The following TTLL5 variants were observed in gnomAD, a reference collection of about 807,000 sequenced individuals.
The protein encoded by TTLL5 is tubulin polyglutamylase TTLL5.
Under a neutral mutation model 168.4 loss-of-function variants are expected in TTLL5, and 132 were observed. That is an observed-to-expected ratio of 0.78 (90% CI 0.68 to 0.91). The LOEUF (loss-of-function observed/expected upper bound fraction) is 0.91, where lower values mean the gene tolerates loss of function less well. Ranked by LOEUF, TTLL5 falls within the 40% of genes least tolerant of loss-of-function variation. The pLI, the probability that TTLL5 is intolerant of heterozygous loss-of-function variation, is 0.00. For synonymous variants in TTLL5, 546 were observed against 558.6 expected (o/e 0.98, Z 0.32); for missense variants, 1,545 against 1,581.5 (o/e 0.98, Z 0.39).
chr14:75,918,338 T>C (rs952488032), intron 31 of TTLL5, among the ~76,000 whole-genome samples: 3 of 152,160 alleles, frequency 2.0e-5, no homozygotes, highest in African/African-American at 7.2e-5. Context: ...GCTAATGATA[T>C]ACATCTACTG....
chr14:75,675,546 T>C (rs552689070), intron 3 of TTLL5, among the ~76,000 whole-genome samples: 5 of 152,314 alleles, frequency 3.3e-5, no homozygotes, highest in South Asian at 2.1e-4. Flanking sequence ...GTGGAATTGA[T>C]GTGATGCATG....
intron 31 of TTLL5, among the ~76,000 whole-genome samples, chr14:75,937,341 T>C (rs2034466432): frequency 6.6e-6 from 1 of 151,482 alleles, no homozygotes; most frequent in South Asian, 2.1e-4. Context: ...TTGGCGAGGA[T>C]GGTCTTGAAC....
intron 4 of TTLL5, among the ~76,000 whole-genome samples, chr14:75,682,189 C>CAAAAA (rs536041762): frequency 1.8e-5 from 1 of 57,062 alleles, no homozygotes; most frequent in East Asian, 5.4e-4. Flanking sequence ...GACTCCGTCT[C>CAAAAA]AAAAAAAAAA....
intron 13 of TTLL5, 38 bp from the exon 14 acceptor site, chr14:75,733,951 C>T: frequency 1.2e-6 from 2 of 1,603,150 alleles, no homozygotes; most frequent in Non-Finnish European, 1.7e-6. Context: ...TTAACCTACA[C>T]ACTTATCAAT....
intron 3 of TTLL5, among the ~76,000 whole-genome samples, chr14:75,677,771 G>A (rs1034797867): frequency 2.0e-5 from 3 of 150,472 alleles, no homozygotes; most frequent in Non-Finnish European, 3.0e-5. Flanking sequence ...GCGCCCACCC[G>A]TACACTTGGC....
At chr14:75,800,474 C>A (rs966092118) in intron 27 of TTLL5, among the ~76,000 whole-genome samples, 5 of 152,078 alleles carry the variant, frequency 3.3e-5, no homozygotes, top group Non-Finnish European at 7.4e-5. Context: ...CTTTTTCTGG[C>A]AACTTAGAAA....
In TTLL5 at chr14:75,914,023, A is replaced by AAAAAAAAAT. The variant is rs2033496205; in HGVS notation, c.3823+11807_3823+11808insTAAAAAAAA. 2.4e-5 allele frequency among the ~76,000 whole-genome samples: 2 copies of AAAAAAAAAT among 82,150 alleles called. 1 individual carries two copies. The highest frequency in any genetic ancestry group is 6.9e-4 in the East Asian group (2 of 2,882). 53.9% of individuals were successfully genotyped at this position (82,150 alleles called of 152,430 possible). A position where few individuals can be genotyped will look rare whatever the true frequency, so the allele number is the denominator to read the frequency against. On this transcript the variant is annotated intron_variant, in intron 31 of 31. Transcript: ENST00000298832. ...GAGGAAGACTGTTTAAAAGGAAAAA[A>AAAAAAAAAT]AAAAAAAAAAATATATATATATATA...
intron 20 of TTLL5, among the ~76,000 whole-genome samples, chr14:75,771,186 G>C (rs1891287446): frequency 6.6e-6 from 1 of 152,170 alleles, no homozygotes; most frequent in African/African-American, 2.4e-5. Flanking sequence ...CAGCACTTTG[G>C]GAGGCCAAGG....
chr14:75,916,889 T>G (rs1190103275), intron 31 of TTLL5, among the ~76,000 whole-genome samples: 1 of 152,222 alleles, frequency 6.6e-6, no homozygotes, highest in Non-Finnish European at 1.5e-5. Flanking sequence ...AGCTACAGCA[T>G]GGAACTTTCA....
chr14:75,896,230 T>G (rs890225637), intron 30 of TTLL5, among the ~76,000 whole-genome samples: 37 of 2,452 alleles, frequency 0.015, no homozygotes, highest in Admixed American at 0.068. Context: ...AGCGTATACC[T>G]GTGTGTGTGT....
At chr14:75,739,365 A>G (rs1471356716) in intron 15 of TTLL5, among the ~76,000 whole-genome samples, 4 of 152,110 alleles carry the variant, frequency 2.6e-5, no homozygotes, top group Admixed American at 6.5e-5. Flanking sequence ...TCTGTTAACG[A>G]AGCACTCTTA....
At chr14:75,856,625 C>CT (rs35004666) in intron 28 of TTLL5, among the ~76,000 whole-genome samples, 2,549 of 97,190 alleles carry the variant, frequency 0.026, 80 homozygotes, top group South Asian at 0.041. Flanking sequence ...AGTTGTATTG[C>CT]TTTTTTTTTT....
At chr14:75,836,868 A>G (rs531332918) in intron 28 of TTLL5, among the ~76,000 whole-genome samples, 1 of 152,312 alleles carries the variant, frequency 6.6e-6, no homozygotes, top group South Asian at 2.1e-4. Context: ...AATATGCCCT[A>G]AATTGTGCTG....
chr14:75,726,969 C>A (rs1468764510), intron 12 of TTLL5, among the ~76,000 whole-genome samples: 1 of 152,148 alleles, frequency 6.6e-6, no homozygotes, highest in Non-Finnish European at 1.5e-5. Context: ...TTAAAATCTT[C>A]TAGGAACCAA....
At chr14:75,906,658 G>A (rs1336141989) in intron 31 of TTLL5, 3 of 985,774 alleles carry the variant, frequency 3.0e-6, no homozygotes, top group Non-Finnish European at 3.6e-6. Flanking sequence ...CAAAGTCGGT[G>A]AAGTCAGGGC....
In TTLL5 at chr14:75,766,269, A is replaced by G. The variant is rs201569424; in HGVS notation, c.1916A>G (p.Glu639Gly). The G allele has an allele frequency of 2.5e-6, 4 of 1,614,108 alleles. No homozygotes were observed. ...AAAGAAAATTCCATGAAAGTTCGTG[A>G]ATGGAATAATAAAGGTGGACACTGC... Reference protein sequence around the residue: ...TPKENSMKVREWNNKGGHCCK... With the variant: ...TPKENSMKVRGWNNKGGHCCK... The change falls in exon 20 of 32, where the codon GAA becomes GGA. Residue 639 changes from glutamate (E) to glycine (G), a missense_variant. Physicochemically the swap from Glu to Gly is moderately conservative, Grantham distance 98. Transcript: ENST00000298832.
intron 30 of TTLL5, among the ~76,000 whole-genome samples, chr14:75,885,497 C>G (rs8008572): frequency 1.3e-5 from 2 of 152,064 alleles, no homozygotes; most frequent in Non-Finnish European, 2.9e-5. Context: ...AGAGTTCTCA[C>G]GTACCACTTG....
intron 28 of TTLL5, among the ~76,000 whole-genome samples, chr14:75,825,320 G>A (rs1469434936): frequency 2.0e-5 from 3 of 152,108 alleles, no homozygotes; most frequent in Non-Finnish European, 4.4e-5. Context: ...TGTGCAGTAC[G>A]CTCCTGGGAC....
chr14:75,667,677 C>G (rs1437159765), intron 2 of TTLL5, among the ~76,000 whole-genome samples: 1 of 151,376 alleles, frequency 6.6e-6, no homozygotes, highest in Non-Finnish European at 1.5e-5. Context: ...CAGCTTGTCC[C>G]AAGTCTAAAG....
Sources: allele counts gnomAD v4.1 joint callset (sites outside exome capture counted in the v4.1 genomes callset), GRCh38; gene constraint gnomAD v4.1.1; transcripts MANE v1.5; gene names NCBI Gene and HGNC (gene_info 2026-07-23, HGNC 2026-07-21).